The following PCMTD1 variants were observed in gnomAD, a reference collection of about 807,000 sequenced individuals.
The protein encoded by PCMTD1 is protein-L-isoaspartate O-methyltransferase domain-containing protein 1.
A neutral mutation model predicts 37.6 loss-of-function variants in PCMTD1; 12 were observed. That is an observed-to-expected ratio of 0.32 (90% confidence interval 0.20 to 0.52). The LOEUF is 0.52. Ranked by LOEUF, PCMTD1 falls within the 20% of genes least tolerant of loss-of-function variation. The pLI, the probability that PCMTD1 is intolerant of heterozygous loss-of-function variation, is 0.97. For synonymous variants in PCMTD1, 117 were observed against 135.8 expected, an observed-to-expected ratio of 0.86 and a Z score of 0.96; for missense variants, 235 against 421.3, an observed-to-expected ratio of 0.56 and a Z score of 3.87.
At chr8:51,873,530 G>A (rs1452732422) in intron 1 of PCMTD1, among the ~76,000 whole-genome samples, 1 of 152,096 alleles carries the variant, frequency 6.6e-6, no homozygotes, top group East Asian at 1.9e-4. Flanking sequence ...AGTGCTTGGA[G>A]GGTTACTGAT....
chr8:51,896,801 T>C (rs1229696731), intron 1 of PCMTD1, among the ~76,000 whole-genome samples: 2 of 152,006 alleles, frequency 1.3e-5, no homozygotes, highest in East Asian at 3.9e-4. Flanking sequence ...GGGCAACAAT[T>C]TTTCGTTCAT....
intron 5 of PCMTD1, among the ~76,000 whole-genome samples, chr8:51,826,152 G>C (rs1400217799): frequency 6.6e-6 from 1 of 152,102 alleles, no homozygotes; most frequent in Non-Finnish European, 1.5e-5. Context: ...AAGAAAATGT[G>C]GCACATATAT....
chr8:51,897,586 T>C (rs544304046), intron 1 of PCMTD1, among the ~76,000 whole-genome samples: 51 of 152,346 alleles, frequency 3.3e-4, no homozygotes, highest in Non-Finnish European at 5.6e-4. Flanking sequence ...TCTAGCCTCA[T>C]GTAAACTACC....
At chr8:51,867,283 A>G (rs13280470) in intron 1 of PCMTD1, among the ~76,000 whole-genome samples, 1 of 151,500 alleles carries the variant, frequency 6.6e-6, no homozygotes, top group African/African-American at 2.4e-5. Flanking sequence ...CAGTATGGCT[A>G]ATCAGAAAAC....
intron 3 of PCMTD1, among the ~76,000 whole-genome samples, chr8:51,834,181 G>A (rs1585793942): frequency 6.6e-6 from 1 of 152,148 alleles, no homozygotes; most frequent in Non-Finnish European, 1.5e-5. Flanking sequence ...AAAAAGATAC[G>A]AGTGTCCTGA....
chr8:51,826,794 T>C (rs2037927402), intron 5 of PCMTD1: 5 of 521,810 alleles, frequency 9.6e-6, no homozygotes, highest in Non-Finnish European at 1.2e-5. Flanking sequence ...AAGTCTCTTA[T>C]GCCCCTGAAC....
intron 1 of PCMTD1, 146 bp downstream of exon 1, chr8:51,898,784 C>T (rs1200468774): frequency 1.1e-5 from 9 of 788,466 alleles, no homozygotes; most frequent in Non-Finnish European, 1.4e-5. Flanking sequence ...CCGACCTGCC[C>T]GCCCTTAAGT....
At chr8:51,823,076 C>T (rs564804094) in intron 5 of PCMTD1, among the ~76,000 whole-genome samples, 1 of 152,280 alleles carries the variant, frequency 6.6e-6, no homozygotes, top group East Asian at 1.9e-4. Context: ...TTATCAAGAC[C>T]AACTGGACCC....
intron 1 of PCMTD1, among the ~76,000 whole-genome samples, chr8:51,896,883 C>CAA (rs34125033): frequency 0.025 from 3,252 of 128,786 alleles, 63 homozygotes; most frequent in South Asian, 0.04. Flanking sequence ...CGCACTATTA[C>CAA]AAAAAAAAAA....
At chr8:51,823,921 A>T (rs1484616791) in intron 5 of PCMTD1, among the ~76,000 whole-genome samples, 1 of 152,250 alleles carries the variant, frequency 6.6e-6, no homozygotes, top group Non-Finnish European at 1.5e-5. Context: ...AATCCATCAC[A>T]TAAATAGAAC....
At chr8:51,828,582 C>T (rs2037955078) in intron 5 of PCMTD1, among the ~76,000 whole-genome samples, 1 of 152,172 alleles carries the variant, frequency 6.6e-6, no homozygotes, top group South Asian at 2.1e-4. Flanking sequence ...ATCACTTTTG[C>T]AACCAAAGTA....
chr8:51,820,164 A>G lies in PCMTD1; in HGVS notation c.*187T>C, dbSNP rs1474358974. 5 of 474,110 alleles carry G rather than the reference A, an allele frequency of 1.1e-5. No individual in the cohort carries two copies. The highest frequency in any genetic ancestry group is 1.7e-5 in the Non-Finnish European group (5 of 290,830). 29.4% of individuals were successfully genotyped at this position (474,110 alleles called of 1,614,324 possible). On this transcript the variant is annotated 3_prime_UTR_variant, in exon 6 of 6. Coordinates refer to ENST00000522514, the MANE Select transcript of PCMTD1 (RefSeq NM_052937.4). The stretch of plus-strand genomic sequence containing the variant: ...ATTTTTCCAAGATTTAAAGAAAAAT[A>G]GATTTTATAAAAGGGATTCTTTTAT...
At chr8:51,820,776 G>T in intron 5 of PCMTD1, 58 bp from the exon 6 acceptor site, 2 of 1,341,682 alleles carry the variant, frequency 1.5e-6, no homozygotes, top group Non-Finnish European at 2.0e-6. Context: ...ATTATCTATT[G>T]TTTATTTTTT....
chr8:51,831,712 T>C (rs1326081851), intron 4 of PCMTD1, 145 bp from the exon 5 acceptor site: 2 of 735,338 alleles, frequency 2.7e-6, no homozygotes, highest in Non-Finnish European at 4.0e-6. Flanking sequence ...ATTAATTCCA[T>C]TTAAATATTT....
chr8:51,888,793 A>C (rs1187633046), intron 1 of PCMTD1, among the ~76,000 whole-genome samples: 1 of 152,212 alleles, frequency 6.6e-6, no homozygotes, highest in African/African-American at 2.4e-5. Flanking sequence ...ATAGTGTATT[A>C]GTTCTACAGT....
chr8:51,850,354 C>T (rs2038287428), intron 2 of PCMTD1, among the ~76,000 whole-genome samples: 1 of 152,164 alleles, frequency 6.6e-6, no homozygotes, highest in Admixed American at 6.5e-5. Context: ...ATAAGGGGTT[C>T]TCAACCCTGA....
In PCMTD1 at chr8:51,817,997, C is replaced by A. The variant is rs1039342175; in HGVS notation, c.*2354G>T. On this transcript the variant is annotated 3_prime_UTR_variant, in exon 6 of 6. Coordinates refer to ENST00000522514, the MANE Select transcript of PCMTD1 (RefSeq NM_052937.4). ...AGCTATAAAATTCCAATACTATATTCCCCATCATTTTCACTTACTTTTACT... is the reference window on the plus strand; with the variant it reads ...AGCTATAAAATTCCAATACTATATTACCCATCATTTTCACTTACTTTTACT... The A allele has an allele frequency of 3.5e-5, 16 of 453,860 alleles. No individual in the cohort carries two copies. Among genetic ancestry groups the A allele is most frequent in the African/African-American group, 3.2e-4 (16 of 49,940 alleles). The allele number at this position is 453,860 out of a possible 1,614,324, so 28.1% of individuals were successfully genotyped here. A position where few individuals can be genotyped will look rare whatever the true frequency, so the allele number is the denominator to read the frequency against.
At chr8:51,826,699 T>C (rs1427166192) in intron 5 of PCMTD1, among the ~76,000 whole-genome samples, 1 of 152,024 alleles carries the variant, frequency 6.6e-6, no homozygotes, top group Non-Finnish European at 1.5e-5. Context: ...TTGAACCATA[T>C]AAAACTAATG....
At chr8:51,864,691 T>A (rs888493426) in intron 1 of PCMTD1, among the ~76,000 whole-genome samples, 1 of 152,042 alleles carries the variant, frequency 6.6e-6, no homozygotes, top group African/African-American at 2.4e-5. Context: ...TAACATACCA[T>A]AACTTATGAG....
Sources: allele counts gnomAD v4.1 joint callset (sites outside exome capture counted in the v4.1 genomes callset), GRCh38; gene constraint gnomAD v4.1.1; transcripts MANE v1.5; gene names NCBI Gene and HGNC (gene_info 2026-07-23, HGNC 2026-07-21).